Variants in TNNT2 observed in about 807,000 individuals in gnomAD.
TNNT2 encodes the protein troponin T2, cardiac type, also known as troponin T, cardiac muscle.
In TNNT2, 34 loss-of-function variants were observed where a neutral mutation model predicts 62.4. That is an observed-to-expected ratio of 0.54 (90% confidence interval 0.41 to 0.72). TNNT2 has a LOEUF of 0.72. Among genes scored for constraint, TNNT2 ranks in the 30% least tolerant of loss-of-function variants. TNNT2 has a pLI of 0.00. For missense variants in TNNT2, 275 were observed against 381.9 expected (o/e 0.72, Z 2.33); for synonymous variants, 123 against 127.2 (o/e 0.97, Z 0.22).
At chr1:201,369,946 T>C in intron 4 of TNNT2, 101 bp from the exon 5 acceptor site, 1 of 1,365,436 alleles carries the variant, frequency 7.3e-7, no homozygotes, top group East Asian at 2.3e-5. Flanking sequence ...GCAGTGGTTT[T>C]AAGAGTGTGG....
chr1:201,360,843 C>T, intron 15 of TNNT2: 1 of 312,252 alleles, frequency 3.2e-6, no homozygotes, highest in Non-Finnish European at 6.2e-6. Flanking sequence ...ACATAGGACT[C>T]CGAAAGACTG....
In TNNT2 at chr1:201,359,786, G is replaced by A. The variant is rs932424326; in HGVS notation, c.811-123C>T. 13 of 852,854 alleles carry A rather than the reference G, an allele frequency of 1.5e-5. No individual in the cohort carries two copies. In the African/African-American group the frequency reaches 1.7e-4, roughly 11 times the overall value. The allele number at this position is 852,854 out of a possible 1,614,324, so 52.8% of individuals were successfully genotyped here. On this transcript the variant is annotated intron_variant, in intron 15 of 16. Transcript: ENST00000656932. The stretch of plus-strand genomic sequence containing the variant: ...GTGCAGGAGGAGAAGGAGGAGCATG[G>A]AAGAGTAGGAGGGGTTAGGATAGTT...
At chr1:201,368,408 C>T (rs1660074744) in intron 5 of TNNT2, 181 bp from the exon 6 acceptor site, 3 of 682,252 alleles carry the variant, frequency 4.4e-6, no homozygotes, top group Non-Finnish European at 8.0e-6. Context: ...TGTCGGCTAC[C>T]TCCCGCCACC....
chr1:201,366,550 C>T (rs1490336557), intron 8 of TNNT2: 6 of 1,325,214 alleles, frequency 4.5e-6, no homozygotes, highest in Non-Finnish European at 4.8e-6. Flanking sequence ...TCTGGCCATA[C>T]TGTGAGAGAG....
chr1:201,359,581 G>A (rs1658210239), intron 16 of TNNT2, 42 bp downstream of exon 16: 2 of 1,574,278 alleles, frequency 1.3e-6, no homozygotes, highest in Non-Finnish European at 1.7e-6. Flanking sequence ...GGGAAGGAGG[G>A]GGCAGGGGGA....
chr1:201,361,782 C>T, intron 14 of TNNT2, 131 bp downstream of exon 14: 4 of 908,268 alleles, frequency 4.4e-6, no homozygotes, highest in Non-Finnish European at 7.2e-6. Context: ...TCTGGTCCCA[C>T]CAAACTTGCC....
intron 9 of TNNT2, 118 bp downstream of exon 9, chr1:201,365,492 G>A: frequency 7.8e-7 from 1 of 1,289,242 alleles, no homozygotes; most frequent in South Asian, 1.2e-5. Context: ...AGCCTGGCTG[G>A]TGCTGCACCC....
intron 8 of TNNT2, 130 bp from the exon 9 acceptor site, chr1:201,365,800 T>C (rs1659560246): frequency 1.9e-6 from 3 of 1,542,672 alleles, no homozygotes; most frequent in African/African-American, 1.4e-5. Context: ...ACAGCAATGA[T>C]AGTAACACTG....
intron 7 of TNNT2, chr1:201,367,486 G>A (rs1165547913): frequency 1.7e-6 from 1 of 574,412 alleles, no homozygotes; most frequent in Non-Finnish European, 3.1e-6. Flanking sequence ...GGAGCTTCAT[G>A]TGTGGATATG....
At chr1:201,366,118 G>A in intron 8 of TNNT2, 2 of 1,083,224 alleles carry the variant, frequency 1.8e-6, no homozygotes, top group Non-Finnish European at 2.3e-6. Flanking sequence ...GAGACCCAGG[G>A]GGTTCTCTGA....
At chr1:201,368,128 CCT>C (rs774080530) in intron 6 of TNNT2, 32 bp downstream of exon 6, 9 of 1,611,112 alleles carry the variant, frequency 5.6e-6, no homozygotes, top group South Asian at 3.3e-5. Context: ...CTCGCCACCC[CCT>C]GAGGCCCCTG....
At chr1:201,373,627 A>C (rs1358686890) in intron 1 of TNNT2, 1 of 350,760 alleles carries the variant, frequency 2.9e-6, no homozygotes, top group Admixed American at 3.9e-5. Context: ...CACTGTACAA[A>C]TCTTCACTGC....
intron 4 of TNNT2, among the ~76,000 whole-genome samples, chr1:201,371,421 G>A (rs531287185): frequency 1.3e-5 from 2 of 152,284 alleles, no homozygotes; most frequent in South Asian, 2.1e-4. Flanking sequence ...GAGATAAGAC[G>A]TCTCAGATCA....
At chr1:201,365,541 ATC>A in intron 9 of TNNT2, 67 bp downstream of exon 9, 12 of 1,553,474 alleles carry the variant, frequency 7.7e-6, no homozygotes, top group Non-Finnish European at 1.1e-5. Flanking sequence ...AGGTCACAAA[ATC>A]TCTGTCACTG....
chr1:201,366,807 C>T (rs1659735365), intron 8 of TNNT2, 31 bp downstream of exon 8: 3 of 1,614,070 alleles, frequency 1.9e-6, no homozygotes, highest in East Asian at 4.5e-5. Flanking sequence ...AGCCTCTGCT[C>T]CCGGCTCTAC....
intron 5 of TNNT2, 115 bp from the exon 6 acceptor site, chr1:201,368,342 C>A: frequency 9.0e-7 from 1 of 1,115,654 alleles, no homozygotes; most frequent in Non-Finnish European, 1.3e-6. Context: ...ACGTCTAGGT[C>A]CAGATGAATT....
intron 8 of TNNT2, chr1:201,366,150 C>T: frequency 9.4e-7 from 1 of 1,069,442 alleles, no homozygotes. Context: ...CCCATCTGCC[C>T]TCAGGTGTGT....
chr1:201,375,804 C>T (rs1374399789), intron 1 of TNNT2, among the ~76,000 whole-genome samples: 1 of 152,248 alleles, frequency 6.6e-6, no homozygotes, highest in Non-Finnish European at 1.5e-5. Flanking sequence ...CTTTCTCTCT[C>T]CTCTCCTACT....
chr1:201,369,371 TCCAGAGGACTCTGTCC>T (rs1660227124), intron 5 of TNNT2: 1 of 474,328 alleles, frequency 2.1e-6, no homozygotes, highest in Admixed American at 2.3e-5. Flanking sequence ...CTGGCTGCTC[TCCAGAGGACTCTGTCC>T]CCAGACCCCC....
Sources: gnomAD v4.1 joint callset for allele counts (sites outside exome capture counted in the v4.1 genomes callset) on GRCh38, gnomAD v4.1.1 for gene constraint, MANE v1.5 for transcripts, NCBI Gene and HGNC (gene_info 2026-07-23, HGNC 2026-07-21) for gene names.